The following ITGA4 variants were observed in gnomAD, a reference collection of about 807,000 sequenced individuals.
ITGA4 encodes the protein integrin alpha-4.
Under a neutral mutation model 133.6 loss-of-function variants are expected in ITGA4, and 63 were observed. The ratio of observed to expected loss-of-function variants is 0.47; its 90% confidence interval spans 0.38 to 0.58. The LOEUF is 0.58. ITGA4 is among the 20% of genes least tolerant of loss of function. The probability of loss-of-function intolerance (pLI) is 0.00; values close to 1 mark genes in which losing one functional copy is unlikely to be tolerated. For missense variants in ITGA4, 1,076 were observed against 1,252.7 expected, an observed-to-expected ratio of 0.86 and a Z score of 2.13; for synonymous variants, 483 against 438.0, an observed-to-expected ratio of 1.10 and a Z score of -1.28.
intron 17 of ITGA4, among the ~76,000 whole-genome samples, chr2:181,521,014 ATCT>A (rs1398481333): frequency 2.0e-5 from 3 of 152,180 alleles, no homozygotes; most frequent in African/African-American, 4.8e-5. Flanking sequence ...TCAAACACTA[ATCT>A]TCTCTACAAA....
At position 181,482,667 on chromosome 2, in the gene ITGA4, C is replaced by G; in HGVS notation, c.1041+16C>G. The G allele has an allele frequency of 6.2e-7, 1 of 1,609,684 alleles. No homozygotes were observed. Among genetic ancestry groups the G allele is most frequent in the Non-Finnish European group, 8.5e-7 (1 of 1,176,710 alleles). On this transcript the variant is annotated intron_variant, in intron 9 of 27. Coordinates refer to ENST00000397033, the MANE Select transcript of ITGA4 (RefSeq NM_000885.6). ...CTCTGGCTCGGTATGTCCAAGTGCC[C>G]CAACTGGAAGCCATTTATGGAATTA...
rs568124101 is a variant in ITGA4 at position 181,516,267 on chromosome 2, A to G, written c.1922+4492A>G. On this transcript the variant is annotated intron_variant, in intron 17 of 27. Transcript: ENST00000397033. The surrounding 1 kb of genome is among the most constrained non-coding windows in gnomAD (Gnocchi z 4.0). Reference sequence around the variant, plus strand: ...GCTTTCCCTGAACAATTGCTTCTGTATCTGCTAGGAATACTTTTAATTGCA... The same window carrying G: ...GCTTTCCCTGAACAATTGCTTCTGTGTCTGCTAGGAATACTTTTAATTGCA... Among the ~76,000 whole-genome samples the G allele has an allele frequency of 2.6e-5, 4 of 152,214 alleles. No individual in the cohort carries two copies. In the South Asian group the frequency reaches 8.3e-4, roughly 32 times the overall value.
Position 181,523,485 on chromosome 2 carries a change from C to A in ITGA4, c.2122C>A (p.Gln708Lys), listed in dbSNP as rs200191729. The part of the protein sequence containing the change: ...CEVTDNSGVV[Q>K]LDCSIGYIYV... ...AGTCACAGATAACTCTGGCGTGGTA[C>A]AACTTGACTGCAGTATTGGCTATAT... Residue 708 changes from glutamine to lysine, a missense_variant, in exon 19 of 28, where the codon CAA becomes AAA. Coordinates refer to ENST00000397033, the MANE Select transcript of ITGA4 (RefSeq NM_000885.6). This position sits in a 1 kb window ranked among gnomAD's most constrained non-coding sequence, Gnocchi z 4.2. 1.7e-5 allele frequency: 27 copies of A among 1,609,556 alleles called. No individual in the cohort carries two copies. In the East Asian group the frequency reaches 5.4e-4, roughly 32 times the overall value.
At position 181,505,923 on chromosome 2, in the gene ITGA4, A is replaced by G. The variant is rs146881631; in HGVS notation, c.1696-3735A>G. ...AGGGAATGATTTAATCAAGTTTGCT[A>G]TTACTTGAATACTCAGGGCTTCAAG... On this transcript the variant is annotated intron_variant, in intron 15 of 27. Transcript: ENST00000397033. 4.6e-5 allele frequency among the ~76,000 whole-genome samples: 7 copies of G among 152,194 alleles called. No homozygotes were observed. In the South Asian group the frequency reaches 6.2e-4, roughly 14 times the overall value.
intron 25 of ITGA4, among the ~76,000 whole-genome samples, chr2:181,533,779 T>G (rs960469393): frequency 1.3e-5 from 2 of 152,176 alleles, no homozygotes; most frequent in Admixed American, 6.6e-5. Context: ...AATGCACACA[T>G]GAAAACATCT....
At position 181,537,272 on chromosome 2, in the gene ITGA4, CTACTCAGAAA is replaced by C; in HGVS notation, c.*1746_*1755del. 2.2e-6 allele frequency: 1 copy of C among 453,428 alleles called. No individual in the cohort carries two copies. 28.1% of individuals were successfully genotyped at this position (453,428 alleles called of 1,614,324 possible). On this transcript the variant is annotated 3_prime_UTR_variant, in exon 28 of 28. Transcript: ENST00000397033. The stretch of plus-strand genomic sequence containing the variant: ...ACATTTGGTTCTTTCCTACTCAGAA[CTACTCAGAAA>C]CAACTATATATTTCAGGTTATCTGA...
At position 181,457,693 on chromosome 2, in the gene ITGA4, G is replaced by A; in HGVS notation, c.39G>A (p.Arg13=). The part of the protein sequence containing the change: ...WEARREPGPR[R]AAVRETVMLL... The stretch of plus-strand genomic sequence containing the variant: ...CGAGGCGCGAACCCGGCCCCCGAAG[G>A]GCCGCCGTCCGGGAGACGGTGATGC... Residue 13 remains arginine, a synonymous_variant, in exon 1 of 28, where the codon AGG becomes AGA. Coordinates refer to ENST00000397033, the MANE Select transcript of ITGA4 (RefSeq NM_000885.6). The A allele has an allele frequency of 6.2e-7, 1 of 1,611,738 alleles. No individual in the cohort carries two copies. Among genetic ancestry groups the A allele is most frequent in the Non-Finnish European group, 8.5e-7 (1 of 1,179,600 alleles).
At chr2:181,490,662 G>C (rs889884604) in intron 10 of ITGA4, among the ~76,000 whole-genome samples, 1 of 152,026 alleles carries the variant, frequency 6.6e-6, no homozygotes, top group African/African-American at 2.4e-5. Flanking sequence ...AGGCTGCAGG[G>C]TTTAAATCCC....
intron 2 of ITGA4, chr2:181,458,611 C>T: frequency 2.6e-6 from 1 of 386,012 alleles, no homozygotes; most frequent in South Asian, 2.7e-5. Flanking sequence ...GTGTGTAAAG[C>T]ACATTTTAGA....
At chr2:181,487,243 C>T (rs1239220757) in intron 10 of ITGA4, among the ~76,000 whole-genome samples, 2 of 152,168 alleles carry the variant, frequency 1.3e-5, no homozygotes, top group Admixed American at 6.5e-5. Flanking sequence ...CCCTTACCCT[C>T]CCAGGACCCC....
At chr2:181,527,464 T>C in intron 22 of ITGA4, 77 bp downstream of exon 22, 1 of 994,808 alleles carries the variant, frequency 1.0e-6, no homozygotes, top group Admixed American at 1.8e-5. Context: ...AGGGACATTG[T>C]ACACCTATGA....
In ITGA4 at chr2:181,530,531, C is replaced by T. The variant is rs1250367717; in HGVS notation, c.2546C>T (p.Thr849Ile). The change falls in exon 24 of 28, where the codon ACT becomes ATT. Residue 849 changes from threonine to isoleucine, a missense_variant. This residue lies in a region of ITGA4 where 365 missense variants were observed against 421.4 expected (regional missense o/e 0.87). Coordinates refer to ENST00000397033, the MANE Select transcript of ITGA4 (RefSeq NM_000885.6). ...LFNILDVQTTTGECHFENYQR... is the reference protein window; with the variant it reads ...LFNILDVQTTIGECHFENYQR... ...TGCTTTCTGTCTTCATAGACTACTA[C>T]TGGAGAATGCCACTTTGAAAATTAT... is the stretch of plus-strand genomic sequence containing the variant. The T allele has an allele frequency of 4.3e-6, 7 of 1,612,504 alleles. No individual in the cohort carries two copies. Among genetic ancestry groups the T allele is most frequent in the Non-Finnish European group, 5.9e-6 (7 of 1,178,968 alleles).
chr2:181,487,736 T>C (rs1018919519), intron 10 of ITGA4, among the ~76,000 whole-genome samples: 3 of 152,240 alleles, frequency 2.0e-5, no homozygotes, highest in Non-Finnish European at 2.9e-5. Context: ...GTACAGAATA[T>C]GTGCCATAAT....
At position 181,460,573 on chromosome 2, in the gene ITGA4, G is replaced by GTA. The variant is rs1559034699; in HGVS notation, c.319+2257_319+2258insAT. ...AGCCATCTTCTGTAGAAGAGTGTGT[G>GTA]TGTGTGTGTGTGTGTGTGTGTGTGT... On this transcript the variant is annotated intron_variant, in intron 2 of 27. Coordinates refer to ENST00000397033, the MANE Select transcript of ITGA4 (RefSeq NM_000885.6). Among the ~76,000 whole-genome samples, 1,319 of 149,436 alleles carry GTA rather than the reference G, an allele frequency of 8.8e-3. 29 individuals carry two copies. Among genetic ancestry groups the GTA allele is most frequent in the African/African-American group, 0.031 (1,242 of 39,678 alleles).
chr2:181,537,064 A>T lies in ITGA4; in HGVS notation c.*1537A>T, dbSNP rs200634390. 2 of 444,508 alleles carry T rather than the reference A, an allele frequency of 4.5e-6. No homozygotes were observed. Among genetic ancestry groups the T allele is most frequent in the Non-Finnish European group, 9.0e-6 (2 of 221,868 alleles). The allele number at this position is 444,508 out of a possible 1,614,324, so 27.5% of individuals were successfully genotyped here. On this transcript the variant is annotated 3_prime_UTR_variant, in exon 28 of 28. Transcript: ENST00000397033. ...TTTGAGTAGTGAAATGTAAGCACAA[A>T]ACCTCCTGAACCCAGAGTGTGTATA...
intron 2 of ITGA4, among the ~76,000 whole-genome samples, chr2:181,462,342 TAGCC>T (rs1478636564): frequency 1.3e-5 from 2 of 152,178 alleles, no homozygotes; most frequent in Non-Finnish European, 2.9e-5. Flanking sequence ...TTTATTACCT[TAGCC>T]AGCCTCCTGG....
At position 181,536,518 on chromosome 2, in the gene ITGA4, T is replaced by C. The variant is rs1687095882; in HGVS notation, c.*991T>C. ...AAATATTGACTATCACACAACTATT[T>C]CCTTGGATGTAATTCTTTGTTACCC... On this transcript the variant is annotated 3_prime_UTR_variant, in exon 28 of 28. Coordinates refer to ENST00000397033, the MANE Select transcript of ITGA4 (RefSeq NM_000885.6). Among the ~76,000 whole-genome samples, 1 of 152,124 alleles carries C rather than the reference T, an allele frequency of 6.6e-6. No individual in the cohort carries two copies. The highest frequency in any genetic ancestry group is 1.5e-5 in the Non-Finnish European group (1 of 68,002).
At position 181,485,910 on chromosome 2, in the gene ITGA4, C is replaced by A. The variant is rs2105736683; in HGVS notation, c.1071C>A (p.Asn357Lys). The A allele has an allele frequency of 1.2e-6, 2 of 1,604,338 alleles. No individual in the cohort carries two copies. Among genetic ancestry groups the A allele is most frequent in the African/African-American group, 2.7e-5 (2 of 74,416 alleles). The change falls in exon 10 of 28, where the codon AAC becomes AAA. Residue 357 changes from asparagine (N) to lysine (K), a missense_variant. Physicochemically the swap from Asn to Lys is moderately conservative, Grantham distance 94. Coordinates refer to ENST00000397033, the MANE Select transcript of ITGA4 (RefSeq NM_000885.6). ...CAGTAATGAATGCAATGGAAACAAACCTCGTTGGAAGTGACAAATATGCTG... is the reference window on the plus strand; with the variant it reads ...CAGTAATGAATGCAATGGAAACAAAACTCGTTGGAAGTGACAAATATGCTG... ...SGAVMNAMET[N>K]LVGSDKYAAR...
At chr2:181,481,760 CTG>C (rs758321924) in intron 7 of ITGA4, 77 bp downstream of exon 7, 11 of 564,434 alleles carry the variant, frequency 1.9e-5, no homozygotes, top group South Asian at 8.2e-5. Flanking sequence ...AAAGGAGAAA[CTG>C]TGAATGTTGT....
Sources: gnomAD v4.1 joint callset for allele counts (sites outside exome capture counted in the v4.1 genomes callset) on GRCh38, gnomAD v4.1.1 for gene constraint, gnomAD v4.1.1 regional missense constraint, Gnocchi (gnomAD v3.1) non-coding constraint, MANE v1.5 for transcripts, NCBI Gene and HGNC (gene_info 2026-07-23, HGNC 2026-07-21) for gene names.